The following TMEM163 variants were observed in gnomAD, a reference collection of about 807,000 sequenced individuals.
TMEM163 encodes the protein transmembrane protein 163.
TMEM163 carries 17 observed loss-of-function variants against 29.3 expected under a neutral mutation model. That is an observed-to-expected ratio of 0.58 (90% CI 0.40 to 0.87). The LOEUF is 0.87. Among genes scored for constraint, TMEM163 ranks in the 40% least tolerant of loss-of-function variants. The probability of loss-of-function intolerance (pLI) is 0.00; values close to 1 mark genes in which losing one functional copy is unlikely to be tolerated. For missense variants in TMEM163, 303 were observed against 381.5 expected (o/e 0.79, Z 1.71); for synonymous variants, 157 against 160.6 (o/e 0.98, Z 0.17).
intron 5 of TMEM163, among the ~76,000 whole-genome samples, chr2:134,490,445 C>A (rs1038416082): frequency 3.3e-5 from 5 of 152,116 alleles, no homozygotes; most frequent in Non-Finnish European, 7.4e-5. Context: ...TCACAAGCAC[C>A]CACAGTCAGC....
chr2:134,622,726 T>C (rs1029317410), intron 2 of TMEM163, among the ~76,000 whole-genome samples: 1 of 152,208 alleles, frequency 6.6e-6, no homozygotes, highest in Non-Finnish European at 1.5e-5. Flanking sequence ...GATATTTTCA[T>C]TGAATTCACC....
At chr2:134,490,525 G>A (rs1679406422) in intron 5 of TMEM163, among the ~76,000 whole-genome samples, 1 of 152,142 alleles carries the variant, frequency 6.6e-6, no homozygotes, top group African/African-American at 2.4e-5. Flanking sequence ...GCTCATCTTG[G>A]TCTCAGAATC....
intron 4 of TMEM163, among the ~76,000 whole-genome samples, chr2:134,504,766 T>A (rs1218082522): frequency 6.6e-6 from 1 of 152,226 alleles, no homozygotes; most frequent in African/African-American, 2.4e-5. Context: ...TAGGTGCTAA[T>A]GTGCTGCCTG....
intron 2 of TMEM163, among the ~76,000 whole-genome samples, chr2:134,668,982 G>C (rs1196629993): frequency 6.6e-6 from 1 of 151,804 alleles, no homozygotes; most frequent in Non-Finnish European, 1.5e-5. Flanking sequence ...TGAGCTACAT[G>C]AAAGAGACCA....
At chr2:134,544,071 C>T (rs1480611566) in intron 4 of TMEM163, among the ~76,000 whole-genome samples, 1 of 152,164 alleles carries the variant, frequency 6.6e-6, no homozygotes, top group Non-Finnish European at 1.5e-5. Flanking sequence ...TGGGGACCCT[C>T]CACACAGCCC....
At chr2:134,502,771 C>T (rs763705522) in intron 5 of TMEM163, 130 bp downstream of exon 5, 4 of 709,068 alleles carry the variant, frequency 5.6e-6, no homozygotes, top group Non-Finnish European at 6.9e-6. Flanking sequence ...GCAACAAGTT[C>T]TTCTGACCCC....
intron 2 of TMEM163, among the ~76,000 whole-genome samples, chr2:134,676,460 A>G (rs752242773): frequency 2.6e-5 from 4 of 152,202 alleles, no homozygotes; most frequent in Non-Finnish European, 4.4e-5. Flanking sequence ...AGATATAGAT[A>G]TATATATAAA....
At chr2:134,573,411 G>GCCAGGGGGTA (rs199760175) in intron 2 of TMEM163, among the ~76,000 whole-genome samples, 2,020 of 152,258 alleles carry the variant, frequency 0.013, 43 homozygotes, top group African/African-American at 0.045. Flanking sequence ...ACTTTTAGCC[G>GCCAGGGGGTA]CCAGGGGGTA....
chr2:134,613,480 C>T, intron 2 of TMEM163, among the ~76,000 whole-genome samples: 1 of 151,980 alleles, frequency 6.6e-6, no homozygotes, highest in South Asian at 2.1e-4. Flanking sequence ...TACTGAAAGC[C>T]AAAAACAGTG....
intron 2 of TMEM163, among the ~76,000 whole-genome samples, chr2:134,596,330 T>C: frequency 6.6e-6 from 1 of 152,236 alleles, no homozygotes; most frequent in Non-Finnish European, 1.5e-5. Context: ...TTTCTAAGTA[T>C]GGCTAGCCAG....
At chr2:134,679,087 G>A (rs905394537) in intron 2 of TMEM163, among the ~76,000 whole-genome samples, 2 of 152,148 alleles carry the variant, frequency 1.3e-5, no homozygotes, top group African/African-American at 4.8e-5. Context: ...CTGGCCTAGG[G>A]AAGGTCCCAG....
intron 4 of TMEM163, among the ~76,000 whole-genome samples, chr2:134,516,802 T>TATAC (rs1680080861): frequency 2.5e-5 from 1 of 40,036 alleles, no homozygotes; most frequent in South Asian, 1.7e-3. Context: ...CATGTATGTA[T>TATAC]GAAAGGTAAG....
intron 2 of TMEM163, among the ~76,000 whole-genome samples, chr2:134,681,716 C>T (rs565504211): frequency 6.6e-6 from 1 of 152,300 alleles, no homozygotes; most frequent in East Asian, 1.9e-4. Flanking sequence ...CTCCTGATGA[C>T]CCTGGTTCCC....
At position 134,527,124 on chromosome 2, in the gene TMEM163, T is replaced by C. The variant is rs377467047; in HGVS notation, c.458+23446A>G. Reference sequence around the variant, plus strand: ...TTTCTTTTTCATGATAACAGACTATTTGTCAGTCATGACTATTAGCTATAA... The same window carrying C: ...TTTCTTTTTCATGATAACAGACTATCTGTCAGTCATGACTATTAGCTATAA... On this transcript the variant is annotated intron_variant, in intron 4 of 7. Coordinates refer to ENST00000281924, the MANE Select transcript of TMEM163 (RefSeq NM_030923.5). Among the ~76,000 whole-genome samples, 12 of 152,352 alleles carry C rather than the reference T, an allele frequency of 7.9e-5. No individual in the cohort carries two copies. The South Asian group carries it at 1.7e-3, about 21-fold the overall frequency.
At chr2:134,622,070 G>C (rs2104825606) in intron 2 of TMEM163, among the ~76,000 whole-genome samples, 1 of 152,224 alleles carries the variant, frequency 6.6e-6, no homozygotes, top group South Asian at 2.1e-4. Flanking sequence ...ACAAAAGACT[G>C]TGTATTGCGT....
chr2:134,610,866 C>T (rs1187212344), intron 2 of TMEM163, among the ~76,000 whole-genome samples: 3 of 152,128 alleles, frequency 2.0e-5, no homozygotes, highest in African/African-American at 7.2e-5. Flanking sequence ...AGCCTCAGAG[C>T]TTGGGCTAAT....
intron 2 of TMEM163, among the ~76,000 whole-genome samples, chr2:134,629,072 G>A (rs921713477): frequency 4.6e-5 from 7 of 152,090 alleles, no homozygotes; most frequent in Non-Finnish European, 7.4e-5. Flanking sequence ...TTCATGATGC[G>A]CCAGGTCTTA....
intron 4 of TMEM163, among the ~76,000 whole-genome samples, chr2:134,515,199 T>A (rs1489610712): frequency 6.6e-6 from 1 of 152,156 alleles, no homozygotes; most frequent in Non-Finnish European, 1.5e-5. Context: ...GCAATCCCAC[T>A]GACACAAGAT....
intron 5 of TMEM163, among the ~76,000 whole-genome samples, chr2:134,489,246 A>G (rs1181994371): frequency 6.6e-6 from 1 of 152,132 alleles, no homozygotes; most frequent in Non-Finnish European, 1.5e-5. Flanking sequence ...CACATTATAA[A>G]TATTCTAGAT....
Sources: gnomAD v4.1 joint callset for allele counts (sites outside exome capture counted in the v4.1 genomes callset) on GRCh38, gnomAD v4.1.1 for gene constraint, MANE v1.5 for transcripts, NCBI Gene and HGNC (gene_info 2026-07-23, HGNC 2026-07-21) for gene names.